TTC7B: variants seen among roughly 807,000 people sequenced by gnomAD.
TTC7B encodes the protein tetratricopeptide repeat domain 7B.
A neutral mutation model predicts 106.8 loss-of-function variants in TTC7B; 28 were observed. The ratio of observed to expected loss-of-function variants is 0.26; its 90% CI spans 0.19 to 0.36. The LOEUF (loss-of-function observed/expected upper bound fraction) is 0.36. Ranked by LOEUF, TTC7B falls within the 10% of genes least tolerant of loss-of-function variation. The pLI, the probability that TTC7B is intolerant of heterozygous loss-of-function variation, is 1.00. For synonymous variants in TTC7B, 405 were observed against 430.6 expected (o/e 0.94, Z 0.74); for missense variants, 862 against 1,076.4 (o/e 0.80, Z 2.79).
At chr14:90,702,737 C>T (rs551716585) in intron 5 of TTC7B, among the ~76,000 whole-genome samples, 1 of 152,308 alleles carries the variant, frequency 6.6e-6, no homozygotes, top group Non-Finnish European at 1.5e-5. Flanking sequence ...CTCACAATGA[C>T]AAAAGACAAC....
intron 3 of TTC7B, among the ~76,000 whole-genome samples, chr14:90,762,488 A>G (rs919457078): frequency 6.6e-6 from 1 of 152,246 alleles, no homozygotes; most frequent in Non-Finnish European, 1.5e-5. Flanking sequence ...TGTGCCAGAA[A>G]GATCTTTCTT....
chr14:90,630,361 T>C (rs1451692266), intron 15 of TTC7B, among the ~76,000 whole-genome samples: 1 of 152,180 alleles, frequency 6.6e-6, no homozygotes, highest in East Asian at 1.9e-4. Flanking sequence ...GGCTCCGTGA[T>C]GCAGAGCCGG....
intron 19 of TTC7B, among the ~76,000 whole-genome samples, chr14:90,548,855 C>G (rs979214259): frequency 3.3e-5 from 5 of 152,180 alleles, no homozygotes; most frequent in African/African-American, 1.2e-4. Context: ...CGGCTGGGTG[C>G]AGTGGCTCAT....
At chr14:90,785,159 G>A (rs544767898) in intron 2 of TTC7B, among the ~76,000 whole-genome samples, 1 of 152,242 alleles carries the variant, frequency 6.6e-6, no homozygotes, top group Admixed American at 6.5e-5. Context: ...TAACCTCCCC[G>A]GGGTCACACA....
At chr14:90,806,085 G>A (rs2030587933) in intron 1 of TTC7B, among the ~76,000 whole-genome samples, 1 of 152,222 alleles carries the variant, frequency 6.6e-6, no homozygotes, top group Non-Finnish European at 1.5e-5. Flanking sequence ...AATTAATTGA[G>A]CACCAACTGT....
chr14:90,781,956 GC>G (rs1891232980), intron 2 of TTC7B, among the ~76,000 whole-genome samples: 1 of 152,210 alleles, frequency 6.6e-6, no homozygotes, highest in South Asian at 2.1e-4. Flanking sequence ...ATCTTCTGTG[GC>G]CAGACCTTCT....
intron 3 of TTC7B, among the ~76,000 whole-genome samples, chr14:90,775,818 A>G (rs8023186): frequency 0.27 from 41,333 of 152,016 alleles, 9,195 homozygotes; most frequent in African/African-American, 0.62. Flanking sequence ...TTTGCTCTTC[A>G]GAGCCAGTCC....
intron 3 of TTC7B, among the ~76,000 whole-genome samples, chr14:90,774,768 G>C (rs1024961551): frequency 6.6e-6 from 1 of 152,220 alleles, no homozygotes; most frequent in South Asian, 2.1e-4. Flanking sequence ...GGCTGGGCGC[G>C]GTGGCTCACG....
chr14:90,749,731 T>G (rs979726841), intron 3 of TTC7B, among the ~76,000 whole-genome samples: 12 of 152,242 alleles, frequency 7.9e-5, no homozygotes, highest in Middle Eastern at 3.4e-3. Flanking sequence ...CTTTCTTTCA[T>G]TTTGGATAAT....
At chr14:90,569,193 T>C (rs74437505) in intron 19 of TTC7B, among the ~76,000 whole-genome samples, 1 of 152,196 alleles carries the variant, frequency 6.6e-6, no homozygotes, top group Non-Finnish European at 1.5e-5. Flanking sequence ...GTGAAAGCCA[T>C]GAAAAGGCCT....
At chr14:90,714,230 C>T in intron 5 of TTC7B, among the ~76,000 whole-genome samples, 1 of 134,244 alleles carries the variant, frequency 7.4e-6, no homozygotes, top group Admixed American at 7.5e-5. Flanking sequence ...AACTCTGTCT[C>T]AAAAAAAGAA....
chr14:90,653,662 C>T (rs1372368990), intron 12 of TTC7B, among the ~76,000 whole-genome samples: 5 of 152,188 alleles, frequency 3.3e-5, no homozygotes, highest in Admixed American at 6.5e-5. Flanking sequence ...CATTACCTAA[C>T]GCCTCCAACA....
chr14:90,812,057 T>C (rs1179877519), intron 1 of TTC7B, among the ~76,000 whole-genome samples: 1 of 152,106 alleles, frequency 6.6e-6, no homozygotes, highest in Non-Finnish European at 1.5e-5. Context: ...AGGGGTCAGC[T>C]GCAGGGAACC....
intron 16 of TTC7B, among the ~76,000 whole-genome samples, chr14:90,614,686 G>C (rs1892999396): frequency 6.6e-6 from 1 of 152,224 alleles, no homozygotes; most frequent in Non-Finnish European, 1.5e-5. Flanking sequence ...GCCACTTTTA[G>C]CTTCAATTTT....
At position 90,654,999 on chromosome 14, in the gene TTC7B, T is replaced by G; in HGVS notation, c.1453A>C (p.Thr485Pro). 1.9e-6 allele frequency: 3 copies of G among 1,613,196 alleles called. No homozygotes were observed. Among genetic ancestry groups the G allele is most frequent in the Non-Finnish European group, 2.5e-6 (3 of 1,179,102 alleles). The change falls in exon 12 of 20, where the codon ACT (threonine) becomes CCT (proline). Residue 485 changes from threonine (T) to proline (P), a missense_variant. Physicochemically the swap from Thr to Pro is conservative, Grantham distance 38 (BLOSUM62 -1). Transcript: ENST00000328459. ...GGGGTGGGACGTCTCTCACCGTCAG[T>G]GGCCTGCAGACTGTACGTGAGCCCC... ...ALGLTYSLQA[T>P]DASLRGMQEV...
chr14:90,545,134 G>C (rs1205667056), intron 19 of TTC7B, among the ~76,000 whole-genome samples: 2 of 152,134 alleles, frequency 1.3e-5, no homozygotes, highest in Non-Finnish European at 2.9e-5. Flanking sequence ...ACATCGAGCT[G>C]CAGCCTTGCC....
intron 5 of TTC7B, among the ~76,000 whole-genome samples, chr14:90,712,592 T>C (rs1888490723): frequency 6.6e-6 from 1 of 152,162 alleles, no homozygotes; most frequent in Non-Finnish European, 1.5e-5. Flanking sequence ...AGCTGAAAAC[T>C]ACAAAACATT....
intron 5 of TTC7B, among the ~76,000 whole-genome samples, chr14:90,704,544 C>T (rs968388068): frequency 6.6e-6 from 1 of 152,170 alleles, no homozygotes; most frequent in African/African-American, 2.4e-5. Context: ...GTGACTACCT[C>T]CTATGACGCA....
chr14:90,683,508 A>C (rs886897276), intron 7 of TTC7B, among the ~76,000 whole-genome samples: 20 of 152,184 alleles, frequency 1.3e-4, no homozygotes, highest in African/African-American at 4.8e-4. Flanking sequence ...TCAAAAAAGG[A>C]ATAGGACTTA....
Sources: allele counts gnomAD v4.1 joint callset (sites outside exome capture counted in the v4.1 genomes callset), GRCh38; gene constraint gnomAD v4.1.1; transcripts MANE v1.5; gene names NCBI Gene and HGNC (gene_info 2026-07-23, HGNC 2026-07-21).